PEX7: variants seen among roughly 807,000 people sequenced by gnomAD.
PEX7 encodes peroxisomal biogenesis factor 7.
Under a neutral mutation model 47.5 loss-of-function variants are expected in PEX7, and 34 were observed. That is an observed-to-expected ratio of 0.72 (90% CI 0.54 to 0.95). The LOEUF is 0.95. Among genes scored for constraint, PEX7 ranks in the 40% least tolerant of loss-of-function variants. PEX7 has a pLI of 0.00. For synonymous variants in PEX7, 141 were observed against 148.8 expected, an observed-to-expected ratio of 0.95 and a Z score of 0.38; for missense variants, 394 against 400.3, an observed-to-expected ratio of 0.98 and a Z score of 0.13.
chr6:136,866,752 T>C lies in PEX7; in HGVS notation c.633+19T>C. 1.3e-5 allele frequency: 21 copies of C among 1,571,496 alleles called. No homozygotes were observed. The highest frequency in any genetic ancestry group is 1.8e-5 in the Non-Finnish European group (21 of 1,141,322). On this transcript the variant is annotated intron_variant, in intron 6 of 9. Coordinates refer to ENST00000318471, the MANE Select transcript of PEX7 (RefSeq NM_000288.4). ...CAATGAGGTATAGTGTATGGCTCTA[T>C]CCTATGCTGCTGTCCTTCCTAATGT...
At chr6:136,822,962 C>T (rs1774110214) in intron 1 of PEX7, 167 bp downstream of exon 1, 1 of 985,346 alleles carries the variant, frequency 1.0e-6, no homozygotes, top group Non-Finnish European at 1.2e-6. Flanking sequence ...CTTTCTTTGC[C>T]GAGTGCGAGG....
chr6:136,848,992 TG>T (rs1362039164), intron 5 of PEX7, among the ~76,000 whole-genome samples: 1 of 152,162 alleles, frequency 6.6e-6, no homozygotes, highest in Non-Finnish European at 1.5e-5. Flanking sequence ...GGAGTTTTCT[TG>T]GTTGGTAGGC....
intron 8 of PEX7, 55 bp from the exon 9 acceptor site, chr6:136,898,087 T>G (rs1322297146): frequency 9.6e-7 from 1 of 1,040,440 alleles, no homozygotes; most frequent in Non-Finnish European, 1.5e-6. Flanking sequence ...TTTCTTAATA[T>G]AAGTTTTTTG....
chr6:136,873,973 C>T (rs752229521), intron 8 of PEX7, among the ~76,000 whole-genome samples: 13 of 152,026 alleles, frequency 8.6e-5, no homozygotes, highest in Non-Finnish European at 1.2e-4. Flanking sequence ...AAGTCTCTCA[C>T]GTTCTTTGTG....
intron 8 of PEX7, among the ~76,000 whole-genome samples, chr6:136,897,633 G>C (rs1000659174): frequency 6.6e-6 from 1 of 152,112 alleles, no homozygotes; most frequent in South Asian, 2.1e-4. Flanking sequence ...TTTCATAAGA[G>C]AACAGATTTT....
chr6:136,870,755 G>T, intron 7 of PEX7: 1 of 406,314 alleles, frequency 2.5e-6, no homozygotes. Context: ...CTGTCACCCA[G>T]ACACGATCTC....
chr6:136,860,159 T>C (rs1238306259), intron 5 of PEX7, among the ~76,000 whole-genome samples: 1 of 152,168 alleles, frequency 6.6e-6, no homozygotes, highest in Non-Finnish European at 1.5e-5. Flanking sequence ...GCCAGTTGTC[T>C]AGAAAATTCA....
At chr6:136,877,751 G>A (rs939493707) in intron 8 of PEX7, among the ~76,000 whole-genome samples, 6 of 152,072 alleles carry the variant, frequency 3.9e-5, no homozygotes, top group African/African-American at 1.4e-4. Context: ...GTAGTGTGAT[G>A]CCTCCAGCTT....
intron 8 of PEX7, among the ~76,000 whole-genome samples, chr6:136,892,113 A>G (rs1354066248): frequency 6.6e-6 from 1 of 152,202 alleles, no homozygotes; most frequent in Non-Finnish European, 1.5e-5. Flanking sequence ...AAGTGCATAT[A>G]AAAAATATTA....
chr6:136,844,577 A>G lies in PEX7; in HGVS notation c.340-1038A>G, dbSNP rs137981197. On this transcript the variant is annotated intron_variant, in intron 3 of 9. Coordinates refer to ENST00000318471, the MANE Select transcript of PEX7 (RefSeq NM_000288.4). ...TACATTATTATTTATAATAGTTACC[A>G]TGGTGTACATTGAATCTCTAGAAAT... is the stretch of plus-strand genomic sequence containing the variant. Among the ~76,000 whole-genome samples the G allele has an allele frequency of 9.2e-5, 14 of 152,294 alleles. No homozygotes were observed. The East Asian group carries it at 2.7e-3, about 29-fold the overall frequency.
intron 1 of PEX7, 187 bp downstream of exon 1, chr6:136,822,982 G>C: frequency 3.0e-6 from 3 of 985,490 alleles, no homozygotes; most frequent in Non-Finnish European, 3.6e-6. Context: ...GAGTTGGTCT[G>C]AAGCAGGAGT....
chr6:136,831,277 G>A (rs1052688040), intron 3 of PEX7, among the ~76,000 whole-genome samples: 1 of 152,080 alleles, frequency 6.6e-6, no homozygotes, highest in Non-Finnish European at 1.5e-5. Context: ...GAGAGAGAAA[G>A]CAGGGGAAAC....
intron 5 of PEX7, among the ~76,000 whole-genome samples, chr6:136,860,430 T>A (rs62881862): frequency 2.0e-5 from 3 of 147,458 alleles, no homozygotes; most frequent in Admixed American, 6.8e-5. Context: ...TTTTTTTTTT[T>A]AAATATTGCA....
intron 5 of PEX7, among the ~76,000 whole-genome samples, chr6:136,858,441 TG>T (rs1301918139): frequency 6.6e-6 from 1 of 152,192 alleles, no homozygotes; most frequent in African/African-American, 2.4e-5. Context: ...AAAGCATGGT[TG>T]TATAGTAACA....
rs181735995 is a variant in PEX7, at chr6:136,887,066, A to C, written c.804-11076A>C. ...TGTCTTGAAAAAAACAAACAAAAAA[A>C]ACCTGTTACCAGGTGACCACTTCTA... On this transcript the variant is annotated intron_variant, in intron 8 of 9. Coordinates refer to ENST00000318471, the MANE Select transcript of PEX7 (RefSeq NM_000288.4). Among the ~76,000 whole-genome samples the C allele has an allele frequency of 9.0e-3, 1,370 of 152,162 alleles. 6 individuals carry two copies. The highest frequency in any genetic ancestry group is 0.014 in the Non-Finnish European group (973 of 67,998).
rs183299346 is a variant in PEX7, at chr6:136,831,965, G to T, written c.339+5496G>T. On this transcript the variant is annotated intron_variant, in intron 3 of 9. Coordinates refer to ENST00000318471, the MANE Select transcript of PEX7 (RefSeq NM_000288.4). ...AGTGAATCTACCTTTCTGGGGCCTG[G>T]GGGACAGTGGCTCTCTCCTCACAAC... is the stretch of plus-strand genomic sequence containing the variant. Among the ~76,000 whole-genome samples, 299 of 152,322 alleles carry T rather than the reference G, an allele frequency of 2.0e-3. 2 individuals are homozygous for T. Among genetic ancestry groups the T allele is most frequent in the Admixed American group, 0.019 (287 of 15,310 alleles).
chr6:136,861,914 A>AT (rs1774970304), intron 5 of PEX7, among the ~76,000 whole-genome samples: 1 of 145,732 alleles, frequency 6.9e-6, no homozygotes, highest in Non-Finnish European at 1.5e-5. Context: ...TATTCAGTGT[A>AT]TAATGCAGCG....
intron 8 of PEX7, among the ~76,000 whole-genome samples, chr6:136,885,991 T>A (rs184715599): frequency 6.6e-6 from 1 of 152,332 alleles, no homozygotes; most frequent in Non-Finnish European, 1.5e-5. Context: ...CAAATACTGG[T>A]ACATAGTAAG....
chr6:136,890,548 C>T (rs1015334429), intron 8 of PEX7, among the ~76,000 whole-genome samples: 3 of 152,004 alleles, frequency 2.0e-5, no homozygotes, highest in Non-Finnish European at 2.9e-5. Context: ...CTCTCTTTGT[C>T]GGTGTCTGTC....
Sources: allele counts gnomAD v4.1 joint callset (sites outside exome capture counted in the v4.1 genomes callset), GRCh38; gene constraint gnomAD v4.1.1; transcripts MANE v1.5; gene names NCBI Gene and HGNC (gene_info 2026-07-23, HGNC 2026-07-21).